The following XKRX variants were observed in gnomAD, a reference collection of about 807,000 sequenced individuals.
XKRX encodes the protein XK related X-linked.
A neutral mutation model predicts 22.4 loss-of-function variants in XKRX; 11 were observed. That is an observed-to-expected ratio of 0.49 (90% CI 0.31 to 0.81). The LOEUF (loss-of-function observed/expected upper bound fraction) is 0.81. XKRX is among the 40% of genes least tolerant of loss of function. The probability of loss-of-function intolerance (pLI) is 0.05; values close to 1 mark genes in which losing one functional copy is unlikely to be tolerated. For missense variants in XKRX, 320 were observed against 336.5 expected (o/e 0.95, Z 0.38); for synonymous variants, 114 against 132.2 (o/e 0.86, Z 0.94).
At chrX:100,950,783 A>G in the XKRX span, among the ~76,000 whole-genome samples, 1 of 112,639 alleles carries the variant, frequency 8.9e-6, no homozygotes, top group Non-Finnish European at 1.9e-5. Context: ...AGCAACACAC[A>G]TAAATATACC....
intron 1 of XKRX, among the ~76,000 whole-genome samples, chrX:100,925,806 T>C (rs1236385463): frequency 2.7e-5 from 3 of 112,209 alleles, no homozygotes; most frequent in African/African-American, 9.7e-5. Flanking sequence ...AGTCCAAAGA[T>C]GCATATAGGC....
intron 2 of XKRX, among the ~76,000 whole-genome samples, chrX:100,920,756 G>GTTAT (rs1039619612): frequency 7.2e-5 from 8 of 111,760 alleles, no homozygotes; most frequent in Non-Finnish European, 1.1e-4. Context: ...TATTACTTTT[G>GTTAT]TTATTTATTT....
At chrX:100,956,542 T>A in the XKRX span, 1 of 393,424 alleles carries the variant, frequency 2.5e-6, no homozygotes, top group Non-Finnish European at 4.5e-6. Flanking sequence ...AACAGATTAT[T>A]GGTTGTCAGA....
chrX:100,955,402 G>C, the XKRX span, among the ~76,000 whole-genome samples: 3 of 112,336 alleles, frequency 2.7e-5, no homozygotes, highest in African/African-American at 9.7e-5. Flanking sequence ...GCTGGGTTCA[G>C]TGGCTGATGC....
chrX:100,914,795 T>A lies in XKRX; in HGVS notation c.893A>T (p.Asn298Ile), dbSNP rs2085424779. ...GACCCGGCTGAAGTTTTTCTCAATGTTATTGGGCATCTGGGCACCACTTCT... is the reference window on the plus strand; with the variant it reads ...GACCCGGCTGAAGTTTTTCTCAATGATATTGGGCATCTGGGCACCACTTCT... ...FWRSGAQMPN[N>I]IEKNFSRVGT... The change falls in exon 3 of 3, where the codon AAC becomes ATC. Residue 298 changes from asparagine to isoleucine, a missense_variant. By Grantham distance (149) the Asn-to-Ile change is moderately radical. Transcript: ENST00000372956. 1.7e-6 allele frequency: 2 copies of A among 1,209,552 alleles called. No homozygotes were observed. Among genetic ancestry groups the A allele is most frequent in the African/African-American group, 3.5e-5 (2 of 56,951 alleles).
At chrX:100,899,240 C>T in the XKRX span, among the ~76,000 whole-genome samples, 1 of 112,933 alleles carries the variant, frequency 8.9e-6, no homozygotes, top group East Asian at 2.8e-4. Flanking sequence ...ACAGGCCGGG[C>T]GTGGTGGCTC....
At chrX:100,926,422 T>A (rs967281757) in intron 1 of XKRX, among the ~76,000 whole-genome samples, 5 of 112,244 alleles carry the variant, frequency 4.5e-5, no homozygotes, top group Admixed American at 9.4e-5. Context: ...TGATAAAAAA[T>A]TTTTTTGGCC....
At chrX:100,927,585 G>A (rs943141660) in intron 1 of XKRX, among the ~76,000 whole-genome samples, 1 of 111,307 alleles carries the variant, frequency 9.0e-6, no homozygotes, top group Non-Finnish European at 1.9e-5. Context: ...GCTGCAGTGA[G>A]CCATGATCGC....
At chrX:100,956,600 G>A in the XKRX span, 1 of 498,473 alleles carries the variant, frequency 2.0e-6, no homozygotes. Flanking sequence ...GGAGATAAAG[G>A]CATGCAGTAT....
At chrX:100,958,219 A>G in the XKRX span, among the ~76,000 whole-genome samples, 2 of 112,160 alleles carry the variant, frequency 1.8e-5, no homozygotes, top group African/African-American at 6.5e-5. Context: ...CATCATGCTC[A>G]GGATTAGTAG....
the XKRX span, among the ~76,000 whole-genome samples, chrX:100,900,302 C>A: frequency 9.1e-6 from 1 of 110,055 alleles, no homozygotes; most frequent in African/African-American, 3.3e-5. Flanking sequence ...CTCAAGTGAT[C>A]CTCCTGTCTT....
At chrX:100,911,172 T>G (rs1354078522), downstream of XKRX, 3 of 600,898 alleles carry the variant, frequency 5.0e-6, no homozygotes, top group Admixed American at 6.9e-5. Context: ...AAAGTCTGCT[T>G]TGTTGGAGAT....
At chrX:100,936,185 A>C in the XKRX span, among the ~76,000 whole-genome samples, 29 of 111,163 alleles carry the variant, frequency 2.6e-4, no homozygotes, top group Non-Finnish European at 5.1e-4. Context: ...AGTGACAAAA[A>C]CATTCAATCA....
the XKRX span, among the ~76,000 whole-genome samples, chrX:100,906,249 C>T: frequency 1.8e-5 from 2 of 111,662 alleles, no homozygotes; most frequent in African/African-American, 6.5e-5. Context: ...GATACATTGA[C>T]ACATCATAAT....
the XKRX span, among the ~76,000 whole-genome samples, chrX:100,900,833 AG>A: frequency 1.1e-5 from 1 of 92,079 alleles, no homozygotes; most frequent in African/African-American, 4.3e-5. Flanking sequence ...TCTGTCGCCT[AG>A]GCTGGAGTGC....
At chrX:100,921,824 CTTTTTTTTTTT>C (rs769704465) in intron 2 of XKRX, among the ~76,000 whole-genome samples, 5 of 56,360 alleles carry the variant, frequency 8.9e-5, no homozygotes, top group African/African-American at 4.7e-4. Context: ...TAACCCCACG[CTTTTTTTTTTT>C]TTTTTTTTTT....
rs1442316032 is a variant in XKRX, at chrX:100,914,222, G to T, written c.*116C>A. On this transcript the variant is annotated 3_prime_UTR_variant, in exon 3 of 3. Coordinates refer to ENST00000372956, the MANE Select transcript of XKRX (RefSeq NM_212559.3). ...GCTCTTTCTTCTGATAGGCTTAACA[G>T]AAAAGTCAAGAAAATGTACTGATGG... 1 of 901,033 alleles carries T rather than the reference G, an allele frequency of 1.1e-6. No individual in the cohort carries two copies. The highest frequency in any genetic ancestry group is 1.5e-6 in the Non-Finnish European group (1 of 648,114). The allele number at this position is 901,033 out of a possible 1,213,427, so 74.3% of individuals were successfully genotyped here. A position where few individuals can be genotyped will look rare whatever the true frequency, so the allele number is the denominator to read the frequency against.
the XKRX span, among the ~76,000 whole-genome samples, chrX:100,934,650 C>A: frequency 1.8e-5 from 2 of 111,885 alleles, no homozygotes; most frequent in East Asian, 5.6e-4. Flanking sequence ...ATAATATTAA[C>A]CACAACAGGA....
intron 2 of XKRX, among the ~76,000 whole-genome samples, chrX:100,916,732 T>C (rs1016494274): frequency 6.2e-5 from 7 of 112,801 alleles, no homozygotes; most frequent in Admixed American, 9.4e-5. Flanking sequence ...ACTGCTGTAT[T>C]CCCATAGCCT....
Sources: gnomAD v4.1 joint callset for allele counts (sites outside exome capture counted in the v4.1 genomes callset) on GRCh38, gnomAD v4.1.1 for gene constraint, MANE v1.5 for transcripts, NCBI Gene and HGNC (gene_info 2026-07-23, HGNC 2026-07-21) for gene names.